PAK3: variants seen among roughly 807,000 people sequenced by gnomAD.
The protein encoded by PAK3 is p21 (RAC1) activated kinase 3, also known as serine/threonine-protein kinase PAK 3.
In PAK3, 4 loss-of-function variants were observed where a neutral mutation model predicts 41.0. That is an observed-to-expected ratio of 0.10 (90% confidence interval 0.05 to 0.22). The LOEUF is 0.22. Among genes scored for constraint, PAK3 ranks in the 10% least tolerant of loss-of-function variants. The pLI, the probability that PAK3 is intolerant of heterozygous loss-of-function variation, is 1.00. For missense variants in PAK3, 205 were observed against 409.9 expected (o/e 0.50, Z 4.32); for synonymous variants, 146 against 139.6 (o/e 1.05, Z -0.32).
At chrX:110,998,165 T>C (rs1472103652) in intron 1 of PAK3, among the ~76,000 whole-genome samples, 1 of 111,533 alleles carries the variant, frequency 9.0e-6, no homozygotes, top group Non-Finnish European at 1.9e-5. Flanking sequence ...TTGGGAGTCA[T>C]AAGACTGAAT....
At chrX:111,018,977 A>T (rs1228306407) in intron 1 of PAK3, among the ~76,000 whole-genome samples, 1 of 111,632 alleles carries the variant, frequency 9.0e-6, no homozygotes, top group African/African-American at 3.3e-5. Flanking sequence ...AAGGGCACAA[A>T]GTCCATTCAA....
chrX:111,128,850 AT>A (rs2093681461), intron 5 of PAK3, among the ~76,000 whole-genome samples: 1 of 112,203 alleles, frequency 8.9e-6, no homozygotes, highest in South Asian at 3.7e-4. Flanking sequence ...TAATAGAGAT[AT>A]GCTAACATTT....
chrX:111,163,396 G>A (rs2094214165), intron 9 of PAK3, among the ~76,000 whole-genome samples, 166 bp from the exon 10 acceptor site: 1 of 111,002 alleles, frequency 9.0e-6, no homozygotes, highest in Non-Finnish European at 1.9e-5. Context: ...CCAAAGACTA[G>A]CTCCCATGAT....
intron 8 of PAK3, among the ~76,000 whole-genome samples, chrX:111,162,434 C>T (rs2094202491): frequency 9.0e-6 from 1 of 110,843 alleles, no homozygotes; most frequent in South Asian, 3.8e-4. Context: ...CTTGTTTGTT[C>T]TTAGTGAGTA....
chrX:111,000,891 A>G (rs2091835153), intron 1 of PAK3, among the ~76,000 whole-genome samples: 1 of 112,061 alleles, frequency 8.9e-6, no homozygotes, highest in African/African-American at 3.2e-5. Context: ...TATTTAGTAT[A>G]TTAGCAGGCA....
chrX:111,163,452 T>A, intron 9 of PAK3, 110 bp from the exon 10 acceptor site: 2 of 606,034 alleles, frequency 3.3e-6, no homozygotes, highest in South Asian at 5.1e-5. Context: ...CCTTTTTTTT[T>A]TTAAGAAAAT....
At chrX:111,057,912 T>C (rs1456902741) in intron 1 of PAK3, among the ~76,000 whole-genome samples, 2 of 112,309 alleles carry the variant, frequency 1.8e-5, no homozygotes, top group African/African-American at 3.2e-5. Context: ...GGACAATTCA[T>C]AAAAATGGAA....
At chrX:111,143,077 T>C (rs2093894684) in intron 6 of PAK3, among the ~76,000 whole-genome samples, 1 of 110,905 alleles carries the variant, frequency 9.0e-6, no homozygotes, top group Non-Finnish European at 1.9e-5. Context: ...TCCCATACTA[T>C]TAGTGAACTC....
intron 1 of PAK3, among the ~76,000 whole-genome samples, chrX:111,081,858 T>C (rs1370506387): frequency 9.0e-6 from 1 of 111,589 alleles, no homozygotes; most frequent in Non-Finnish European, 1.9e-5. Context: ...GATACCTGAC[T>C]GTGAGTTTCT....
At chrX:111,125,787 T>C (rs1193086656) in intron 5 of PAK3, among the ~76,000 whole-genome samples, 1 of 111,643 alleles carries the variant, frequency 9.0e-6, no homozygotes. Context: ...CTATGAGACT[T>C]TCTAAAAGAC....
chrX:111,001,865 C>T (rs1333361793), intron 1 of PAK3, among the ~76,000 whole-genome samples: 2 of 109,823 alleles, frequency 1.8e-5, no homozygotes, highest in African/African-American at 6.7e-5. Flanking sequence ...CAGCCTAATT[C>T]ATGGGAGGCT....
intron 5 of PAK3, among the ~76,000 whole-genome samples, chrX:111,139,905 T>C (rs1275820646): frequency 2.7e-5 from 3 of 111,261 alleles, no homozygotes; most frequent in African/African-American, 9.8e-5. Flanking sequence ...TATATGTATA[T>C]AGTACATTTT....
At chrX:111,118,927 C>A (rs1456384180) in intron 4 of PAK3, among the ~76,000 whole-genome samples, 1 of 110,948 alleles carries the variant, frequency 9.0e-6, no homozygotes, top group Admixed American at 9.6e-5. Context: ...GGCTTTACTG[C>A]AAAGCATTTT....
intron 1 of PAK3, among the ~76,000 whole-genome samples, chrX:111,012,829 C>T (rs867809804): frequency 2.7e-5 from 3 of 111,678 alleles, no homozygotes; most frequent in African/African-American, 6.5e-5. Context: ...GTCACCCAGG[C>T]GGGAGTGTGG....
intron 1 of PAK3, among the ~76,000 whole-genome samples, chrX:111,028,362 AC>A: frequency 9.1e-6 from 1 of 110,349 alleles, no homozygotes; most frequent in South Asian, 3.9e-4. Context: ...ATTCAGGTAA[AC>A]AAAAACCACC....
chrX:111,209,382 A>T (rs1010653050), intron 16 of PAK3, among the ~76,000 whole-genome samples: 2 of 112,408 alleles, frequency 1.8e-5, no homozygotes, highest in African/African-American at 6.5e-5. Flanking sequence ...AAGGGTTTAT[A>T]TGTAAATTGC....
chrX:110,952,053 T>G (rs1210770381), intron 1 of PAK3, among the ~76,000 whole-genome samples: 1 of 112,332 alleles, frequency 8.9e-6, no homozygotes, highest in Non-Finnish European at 1.9e-5. Context: ...GAGAAGTTAT[T>G]CTAACAGAAA....
intron 1 of PAK3, among the ~76,000 whole-genome samples, chrX:111,005,416 G>C (rs972396929): frequency 9.0e-6 from 1 of 111,725 alleles, no homozygotes; most frequent in Non-Finnish European, 1.9e-5. Context: ...TGACCAGCTA[G>C]ATTGACCCAA....
rs542366788 is a variant in PAK3, at chrX:110,990,800, A to T, written c.-28+46172A>T. Among the ~76,000 whole-genome samples the T allele has an allele frequency of 1.8e-4, 20 of 110,873 alleles. No homozygotes were observed. The South Asian group carries it at 7.9e-3, about 44-fold the overall frequency. On this transcript the variant is annotated intron_variant, in intron 1 of 14. Coordinates refer to the PAK3 transcript ENST00000425146. ...TATCCAGCTTTTTCACTGGCCTAAAACACAAAAGAGAAAGTCAAGGGATGC... is the reference window on the plus strand; with the variant it reads ...TATCCAGCTTTTTCACTGGCCTAAATCACAAAAGAGAAAGTCAAGGGATGC...
Sources: gnomAD v4.1 joint callset for allele counts (sites outside exome capture counted in the v4.1 genomes callset) on GRCh38, gnomAD v4.1.1 for gene constraint, MANE v1.5 for transcripts, NCBI Gene and HGNC (gene_info 2026-07-23, HGNC 2026-07-21) for gene names.